Variants in SSC5D observed in about 807,000 individuals in gnomAD.
SSC5D encodes soluble scavenger receptor cysteine-rich domain-containing protein SSC5D.
SSC5D carries 106 observed loss-of-function variants against 104.6 expected under a neutral mutation model. The ratio of observed to expected loss-of-function variants is 1.01; its 90% CI spans 0.87 to 1.19. The LOEUF is 1.19. Ranked by LOEUF, SSC5D falls within the 50% of genes most tolerant of loss-of-function variation. The pLI is 0.00. For missense variants in SSC5D, 1,993 were observed against 2,153.8 expected (o/e 0.93, Z 1.48); for synonymous variants, 860 against 883.5 (o/e 0.97, Z 0.47).
At position 55,494,712 on chromosome 19, in the gene SSC5D, C is replaced by A. The variant is rs777958336; in HGVS notation, c.1316C>A (p.Ala439Asp). 3.2e-5 allele frequency: 49 copies of A among 1,550,446 alleles called. No homozygotes were observed. Among genetic ancestry groups the A allele is most frequent in the Non-Finnish European group, 4.2e-5 (48 of 1,146,714 alleles). ...CCCCCGTCCACCATGACGAGCCAGG[C>A]TCCAGGGACGGCAGGCGTTTCACCT... Reference protein sequence around the residue: ...SRPPSTMTSQAPGTAGVSPPP... With the variant: ...SRPPSTMTSQDPGTAGVSPPP... The change falls in exon 8 of 14, where the codon GCT (alanine) becomes GAT (aspartate). Residue 439 changes from alanine to aspartate, a missense_variant. Around this residue, in one of 6 missense-constraint regions of SSC5D, gnomAD observed 1,101 missense variants for 1,085.0 expected, o/e 1.01. Transcript: ENST00000389623.
chr19:55,504,043 A>C, intron 12 of SSC5D: 1 of 1,418,126 alleles, frequency 7.1e-7, no homozygotes, highest in Non-Finnish European at 9.5e-7. Flanking sequence ...GGGAGGAAGC[A>C]GGCCCTAGAG....
At chr19:55,502,616 C>CTGA (rs1361584279) in intron 12 of SSC5D, among the ~76,000 whole-genome samples, 1 of 152,008 alleles carries the variant, frequency 6.6e-6, no homozygotes, top group African/African-American at 2.4e-5. Flanking sequence ...CAGATCTCAC[C>CTGA]TTCACCACCT....
chr19:55,495,233 A>ATTT (rs74181759), intron 8 of SSC5D, among the ~76,000 whole-genome samples: 3 of 50,660 alleles, frequency 5.9e-5, no homozygotes, highest in African/African-American at 2.0e-4. Flanking sequence ...ATATATATAT[A>ATTT]TTTTTTTTTT....
rs969399957 is a variant in SSC5D, at chr19:55,503,739, G to T, written c.2785+2538G>T. Among the ~76,000 whole-genome samples, 1 of 152,070 alleles carries T rather than the reference G, an allele frequency of 6.6e-6. No homozygotes were observed. Among genetic ancestry groups the T allele is most frequent in the African/African-American group, 2.4e-5 (1 of 41,386 alleles). On this transcript the variant is annotated intron_variant, in intron 12 of 13. Coordinates refer to ENST00000389623, the MANE Select transcript of SSC5D (RefSeq NM_001144950.2). The surrounding 1 kb of genome is among the most constrained non-coding windows in gnomAD (Gnocchi z 4.0). ...TGGGTTTCTGCCTCTGTCGCCCCGC[G>T]CCCCGTACCTGTGCCCTCCTGAGAG...
chr19:55,493,427 C>T (rs1305921979), intron 6 of SSC5D, among the ~76,000 whole-genome samples, 168 bp from the exon 7 acceptor site: 2 of 152,234 alleles, frequency 1.3e-5, no homozygotes, highest in Admixed American at 1.3e-4. Context: ...CAGAGTTGGA[C>T]TCCGGGCCAG....
chr19:55,518,578 T>G lies in SSC5D; in HGVS notation c.4302T>G (p.Leu1434=). The G allele has an allele frequency of 6.5e-7, 1 of 1,543,002 alleles. No individual in the cohort carries two copies. Among genetic ancestry groups the G allele is most frequent in the Non-Finnish European group, 8.8e-7 (1 of 1,142,750 alleles). ...ATACCCCACACTCAGCCTCTGACCT[T>G]ACTGTGTCCCCTGACCCCCTCCTTT... The part of the protein sequence containing the change: ...PTHTPHSASD[L]TVSPDPLLSP... Residue 1434 remains leucine, a synonymous_variant, in exon 14 of 14, where the codon CTT becomes CTG. Transcript: ENST00000389623.
intron 12 of SSC5D, among the ~76,000 whole-genome samples, chr19:55,511,112 G>T (rs1246765642): frequency 1.3e-5 from 2 of 152,148 alleles, no homozygotes; most frequent in African/African-American, 4.8e-5. Flanking sequence ...TTTCCTAATG[G>T]GTATGGATAT....
chr19:55,509,299 T>G (rs1264628503), intron 12 of SSC5D, among the ~76,000 whole-genome samples: 1 of 152,134 alleles, frequency 6.6e-6, no homozygotes, highest in Non-Finnish European at 1.5e-5. Flanking sequence ...CCCATGCACT[T>G]AGTGGGGCAG....
intron 13 of SSC5D, 144 bp downstream of exon 13, chr19:55,513,316 T>C: frequency 1.1e-6 from 1 of 895,642 alleles, no homozygotes; most frequent in Non-Finnish European, 1.6e-6. Flanking sequence ...CGGCTGAGCA[T>C]GGTGGCTCAT....
In SSC5D at chr19:55,500,832, G is replaced by A. The variant is rs1489341568; in HGVS notation, c.2617+28G>A. The A allele has an allele frequency of 6.5e-7, 1 of 1,533,496 alleles. No individual in the cohort carries two copies. Among genetic ancestry groups the A allele is most frequent in the Non-Finnish European group, 8.8e-7 (1 of 1,135,954 alleles). 95.0% of individuals were successfully genotyped at this position (1,533,496 alleles called of 1,614,324 possible). A position where few individuals can be genotyped will look rare whatever the true frequency, so the allele number is the denominator to read the frequency against. ...ACCAGGGCATGGCGGCGGTGGTGGG[G>A]TTGTCGGGGGTGGCCAGGAGAATGG... On this transcript the variant is annotated intron_variant, in intron 11 of 13. Transcript: ENST00000389623. This position sits in a 1 kb window ranked among gnomAD's most constrained non-coding sequence, Gnocchi z 4.6.
Position 55,499,993 on chromosome 19 carries a change from C to G in SSC5D, c.1883C>G (p.Thr628Ser). Residue 628 changes from threonine to serine, a missense_variant, in exon 10 of 14, where the codon ACT (threonine) becomes AGT (serine). This residue lies in a region of SSC5D where 1,101 missense variants were observed against 1,085.0 expected (regional missense o/e 1.01). Transcript: ENST00000389623. ...TKAPGKMPKSTKKWVTKNAKR... is the reference protein window; with the variant it reads ...TKAPGKMPKSSKKWVTKNAKR... ...GCCCCAGGGAAAATGCCTAAGAGTA[C>G]TAAGAAGTGGGTGACAAAAAATGCA... 2 of 1,551,900 alleles carry G rather than the reference C, an allele frequency of 1.3e-6. No individual in the cohort carries two copies. Among genetic ancestry groups the G allele is most frequent in the Non-Finnish European group, 1.7e-6 (2 of 1,147,030 alleles).
intron 8 of SSC5D, among the ~76,000 whole-genome samples, chr19:55,497,676 C>T (rs1442295240): frequency 6.6e-6 from 1 of 152,184 alleles, no homozygotes; most frequent in Non-Finnish European, 1.5e-5. Flanking sequence ...CTCTGCCTGA[C>T]TCATTATCCC....
At chr19:55,494,035 TC>T (rs1461649199) in intron 7 of SSC5D, 123 bp downstream of exon 7, 2 of 919,094 alleles carry the variant, frequency 2.2e-6, no homozygotes, top group Admixed American at 2.6e-5. Flanking sequence ...GACTTTCCAC[TC>T]CCCCATCTTA....
At chr19:55,510,116 G>GC (rs988058947) in intron 12 of SSC5D, among the ~76,000 whole-genome samples, 1 of 151,944 alleles carries the variant, frequency 6.6e-6, no homozygotes, top group Admixed American at 6.6e-5. Context: ...TCATGCCTCA[G>GC]CCCCCCAGTT....
At chr19:55,493,995 T>TGGGGGGGGGGGCCCCC in intron 7 of SSC5D, 83 bp downstream of exon 7, 1 of 206,968 alleles carries the variant, frequency 4.8e-6, no homozygotes, top group Non-Finnish European at 9.4e-6. Flanking sequence ...GGCGGGGGGG[T>TGGGGGGGGGGGCCCCC]CCCTACGCGC....
chr19:55,511,623 T>G (rs779793004), intron 12 of SSC5D, among the ~76,000 whole-genome samples: 4 of 152,178 alleles, frequency 2.6e-5, no homozygotes, highest in Non-Finnish European at 5.9e-5. Context: ...GTGGAATTGC[T>G]TGTGGAAGCA....
intron 13 of SSC5D, among the ~76,000 whole-genome samples, chr19:55,514,470 A>G (rs1165375121): frequency 1.4e-5 from 2 of 145,646 alleles, no homozygotes; most frequent in Admixed American, 6.9e-5. Context: ...GTGTGGTGGC[A>G]GGCGCCTGTA....
intron 12 of SSC5D, among the ~76,000 whole-genome samples, chr19:55,512,365 C>A (rs1175682420): frequency 4.1e-3 from 542 of 132,528 alleles, no homozygotes; most frequent in Non-Finnish European, 4.1e-3. Flanking sequence ...TGCATTTGGC[C>A]AAAAAAAAAA....
chr19:55,497,605 A>G (rs762962276), intron 8 of SSC5D, among the ~76,000 whole-genome samples: 1 of 152,186 alleles, frequency 6.6e-6, no homozygotes, highest in Non-Finnish European at 1.5e-5. Flanking sequence ...GTATATCCCT[A>G]GTAGCAGACT....
Sources: gnomAD v4.1 joint callset for allele counts (sites outside exome capture counted in the v4.1 genomes callset) on GRCh38, gnomAD v4.1.1 for gene constraint, gnomAD v4.1.1 regional missense constraint, Gnocchi (gnomAD v3.1) non-coding constraint, MANE v1.5 for transcripts, NCBI Gene and HGNC (gene_info 2026-07-23, HGNC 2026-07-21) for gene names.